Variants in SMARCA2 observed in about 807,000 individuals in gnomAD.
SMARCA2 encodes SWI/SNF related BAF chromatin remodeling complex subunit ATPase 2, also known as SWI/SNF-related matrix-associated actin-dependent regulator of chromatin subfamily A member 2.
SMARCA2 carries 61 observed loss-of-function variants against 199.8 expected under a neutral mutation model. The ratio of observed to expected loss-of-function variants is 0.31; its 90% CI spans 0.25 to 0.38. SMARCA2 has a LOEUF of 0.38. Ranked by LOEUF, SMARCA2 falls within the 10% of genes least tolerant of loss-of-function variation. SMARCA2 has a pLI of 1.00. For synonymous variants in SMARCA2, 935 were observed against 732.0 expected (o/e 1.28, Z -4.48); for missense variants, 1,344 against 2,012.2 (o/e 0.67, Z 6.35).
chr9:2,177,845 C>G (rs1563831412), intron 29 of SMARCA2, among the ~76,000 whole-genome samples: 2 of 152,196 alleles, frequency 1.3e-5, no homozygotes, highest in African/African-American at 4.8e-5. Context: ...AGCCACCGTG[C>G]CCGGCCAGAG....
At chr9:2,032,504 T>G (rs1462908924) in intron 2 of SMARCA2, 1 of 155,756 alleles carries the variant, frequency 6.4e-6, no homozygotes, top group Non-Finnish European at 1.4e-5. Flanking sequence ...TGGTTTCAAC[T>G]TTCAAACTTT....
At chr9:2,162,332 C>T (rs1307527872) in intron 28 of SMARCA2, among the ~76,000 whole-genome samples, 1 of 152,042 alleles carries the variant, frequency 6.6e-6, no homozygotes. Flanking sequence ...AAAATAGATG[C>T]TTCATAGTAA....
chr9:2,030,994 C>T (rs993115171), intron 2 of SMARCA2, among the ~76,000 whole-genome samples: 1 of 152,102 alleles, frequency 6.6e-6, no homozygotes, highest in Non-Finnish European at 1.5e-5. Flanking sequence ...TTACCTTCAC[C>T]CCAAGTAACA....
chr9:2,058,576 A>G, intron 8 of SMARCA2, 112 bp downstream of exon 8: 1 of 878,456 alleles, frequency 1.1e-6, no homozygotes, highest in Non-Finnish European at 1.7e-6. Flanking sequence ...CTTATCAAAA[A>G]TTTTAGTAAA....
chr9:2,145,135 C>CT (rs1824670802), intron 27 of SMARCA2, among the ~76,000 whole-genome samples: 1 of 152,030 alleles, frequency 6.6e-6, no homozygotes. Context: ...CCCATCTCTA[C>CT]TAACAATACA....
chr9:2,184,389 G>T (rs1586811139), intron 31 of SMARCA2, among the ~76,000 whole-genome samples: 2 of 131,010 alleles, frequency 1.5e-5, no homozygotes, highest in African/African-American at 5.9e-5. Context: ...GTCTCACTCT[G>T]TTGCCCAGGC....
At chr9:2,186,941 G>A (rs537636264) in intron 32 of SMARCA2, among the ~76,000 whole-genome samples, 2 of 152,320 alleles carry the variant, frequency 1.3e-5, no homozygotes, top group South Asian at 4.1e-4. Context: ...CAAACCTGGA[G>A]GGCTTGAAGA....
intron 27 of SMARCA2, chr9:2,158,476 A>C (rs1201658393): frequency 6.5e-6 from 1 of 154,306 alleles, no homozygotes; most frequent in Non-Finnish European, 1.4e-5. Context: ...ATCTAGAGGC[A>C]GTTGAGCATG....
chr9:2,088,478 T>G, intron 18 of SMARCA2, 22 bp from the exon 19 acceptor site: 1 of 1,557,696 alleles, frequency 6.4e-7, no homozygotes, highest in Non-Finnish European at 8.6e-7. Flanking sequence ...AAAATCAAAT[T>G]CATAATAAGC....
chr9:2,091,205 T>G (rs1822041212), intron 19 of SMARCA2, among the ~76,000 whole-genome samples: 1 of 152,170 alleles, frequency 6.6e-6, no homozygotes, highest in African/African-American at 2.4e-5. Context: ...CAAAACAATG[T>G]CATCATCCAC....
At chr9:2,182,036 T>C in intron 30 of SMARCA2, 105 bp from the exon 31 acceptor site, 1 of 817,390 alleles carries the variant, frequency 1.2e-6, no homozygotes, top group Non-Finnish European at 2.1e-6. Flanking sequence ...GGCAGGGCTT[T>C]ATGCTGTGAA....
At chr9:2,158,889 A>G in intron 27 of SMARCA2, 4 of 1,582,850 alleles carry the variant, frequency 2.5e-6, no homozygotes, top group Non-Finnish European at 3.4e-6. Context: ...AGCACTGCAT[A>G]TGGATGTGTT....
intron 9 of SMARCA2, among the ~76,000 whole-genome samples, chr9:2,064,442 G>A (rs995681033): frequency 1.3e-5 from 2 of 152,288 alleles, no homozygotes; most frequent in East Asian, 3.9e-4. Flanking sequence ...CATATAGTAA[G>A]TGCTCAGTAA....
At chr9:2,189,342 G>C (rs564852856) in intron 32 of SMARCA2, among the ~76,000 whole-genome samples, 8 of 152,012 alleles carry the variant, frequency 5.3e-5, no homozygotes, top group Non-Finnish European at 1.0e-4. Context: ...TTTTTGGAGA[G>C]ACATATCCAC....
chr9:2,176,488 CTTTG>C (rs541146687), intron 29 of SMARCA2, among the ~76,000 whole-genome samples: 178 of 152,178 alleles, frequency 1.2e-3, no homozygotes, highest in African/African-American at 3.9e-3. Context: ...TAACAGGGAA[CTTTG>C]TTTGTCTTGG....
intron 1 of SMARCA2, among the ~76,000 whole-genome samples, chr9:2,025,004 G>A (rs1400813122): frequency 6.6e-6 from 1 of 152,158 alleles, no homozygotes; most frequent in Non-Finnish European, 1.5e-5. Context: ...TGTCATGGTT[G>A]GAGTGGTGAC....
intron 1 of SMARCA2, chr9:2,022,260 G>C (rs1265560340): frequency 6.6e-6 from 1 of 152,180 alleles, no homozygotes; most frequent in Non-Finnish European, 1.5e-5. Context: ...GAAGCTGTTA[G>C]AAGGATCCTG....
chr9:2,061,111 A>G, intron 9 of SMARCA2, 125 bp downstream of exon 9: 1 of 883,922 alleles, frequency 1.1e-6, no homozygotes, highest in Non-Finnish European at 1.7e-6. Flanking sequence ...TGAATTGTGA[A>G]AATTGCATAA....
In SMARCA2 at chr9:2,158,863, A is replaced by G. The variant is rs565353965; in HGVS notation, c.3982-2823A>G. ...ATTTCCATTAGAAAAAGACCCTTAG[A>G]AATCACAGAACATAAAGCACTGCAT... On this transcript the variant is annotated intron_variant, in intron 27 of 33. Coordinates refer to ENST00000349721, the MANE Select transcript of SMARCA2 (RefSeq NM_003070.5). 3.6e-6 allele frequency: 5 copies of G among 1,387,350 alleles called. No homozygotes were observed. In the South Asian group the frequency reaches 5.7e-5, roughly 16 times the overall value. 85.9% of individuals were successfully genotyped at this position (1,387,350 alleles called of 1,614,324 possible).
Sources: gnomAD v4.1 joint callset for allele counts (sites outside exome capture counted in the v4.1 genomes callset) on GRCh38, gnomAD v4.1.1 for gene constraint, MANE v1.5 for transcripts, NCBI Gene and HGNC (gene_info 2026-07-23, HGNC 2026-07-21) for gene names.